SEC14L5: variants seen among roughly 807,000 people sequenced by gnomAD.
SEC14L5 encodes SEC14-like protein 5.
In SEC14L5, 96 loss-of-function variants were observed where a neutral mutation model predicts 84.6. The observed-to-expected ratio is 1.13, with a 90% confidence interval of 0.96 to 1.34. The LOEUF (loss-of-function observed/expected upper bound fraction) is 1.34. Among genes scored for constraint, SEC14L5 ranks in the 40% most tolerant of loss-of-function variants. The pLI is 0.00. For missense variants in SEC14L5, 1,224 were observed against 942.5 expected (o/e 1.30, Z -3.91); for synonymous variants, 546 against 383.4 (o/e 1.42, Z -4.95).
intron 2 of SEC14L5, among the ~76,000 whole-genome samples, chr16:4,967,414 C>G (rs1426570354): frequency 1.3e-5 from 2 of 152,202 alleles, no homozygotes; most frequent in African/African-American, 4.8e-5. Flanking sequence ...AATGAGGTCA[C>G]ATTTACAGGT....
At chr16:4,973,324 G>A (rs933399486) in intron 2 of SEC14L5, among the ~76,000 whole-genome samples, 1 of 151,054 alleles carries the variant, frequency 6.6e-6, no homozygotes. Context: ...GCTTTGCTGG[G>A]ATGAGCAGTG....
chr16:4,961,935 C>T (rs775456508), intron 2 of SEC14L5, among the ~76,000 whole-genome samples: 12 of 151,868 alleles, frequency 7.9e-5, no homozygotes, highest in South Asian at 2.1e-4. Context: ...TTATGTTTAT[C>T]GACCACTTAT....
intron 15 of SEC14L5, among the ~76,000 whole-genome samples, chr16:5,014,331 C>G (rs1159505137): frequency 6.6e-6 from 1 of 152,138 alleles, no homozygotes; most frequent in Non-Finnish European, 1.5e-5. Flanking sequence ...CGAGGATCTC[C>G]TGATCCCAGG....
intron 5 of SEC14L5, 94 bp downstream of exon 5, chr16:4,990,989 C>T: frequency 9.5e-7 from 1 of 1,052,688 alleles, no homozygotes; most frequent in Non-Finnish European, 1.3e-6. Context: ...CCTTACCCTT[C>T]CTGGGCTCAG....
intron 13 of SEC14L5, among the ~76,000 whole-genome samples, chr16:5,007,774 T>G (rs1219436553): frequency 6.7e-6 from 1 of 150,208 alleles, no homozygotes; most frequent in Non-Finnish European, 1.5e-5. Flanking sequence ...TCCAGCTAAT[T>G]TTTGTATTTT....
intron 2 of SEC14L5, among the ~76,000 whole-genome samples, chr16:4,974,680 C>T (rs934318755): frequency 6.6e-6 from 1 of 151,996 alleles, no homozygotes; most frequent in Non-Finnish European, 1.5e-5. Flanking sequence ...AAGCAGTGTA[C>T]ACTGTACCCA....
chr16:4,961,078 C>CGTGTAA (rs1955115092), intron 2 of SEC14L5, among the ~76,000 whole-genome samples: 1 of 151,992 alleles, frequency 6.6e-6, no homozygotes, highest in Non-Finnish European at 1.5e-5. Context: ...AAGACAATCC[C>CGTGTAA]GTGTAACACG....
chr16:4,962,190 A>AAAAAGT (rs1955131234), intron 2 of SEC14L5, among the ~76,000 whole-genome samples: 1 of 151,546 alleles, frequency 6.6e-6, no homozygotes, highest in Non-Finnish European at 1.5e-5. Flanking sequence ...AAAGAAAAAG[A>AAAAAGT]AAAAAAGAAA....
rs1403596070 is a variant in SEC14L5, at chr16:5,017,332, C to T, written c.*2362C>T. 6.6e-6 allele frequency: 1 copy of T among 152,364 alleles called. No individual in the cohort carries two copies. Among genetic ancestry groups the T allele is most frequent in the East Asian group, 1.9e-4 (1 of 5,202 alleles). The allele number at this position is 152,364 out of a possible 1,614,324, so 9.4% of individuals were successfully genotyped here. A position where few individuals can be genotyped will look rare whatever the true frequency, so the allele number is the denominator to read the frequency against. ...AGCAACAAAGCAAATTCCCTGGGTC[C>T]TGTACTAGGGATGGCTGAAGGTGGG... is the stretch of plus-strand genomic sequence containing the variant. On this transcript the variant is annotated 3_prime_UTR_variant, in exon 16 of 16. Transcript: ENST00000251170.
Position 5,005,826 on chromosome 16 carries a change from T to C in SEC14L5, c.1303-88T>C, listed in dbSNP as rs983079887. The C allele has an allele frequency of 5.3e-6, 7 of 1,310,448 alleles. No homozygotes were observed. In the African/African-American group the frequency reaches 1.1e-4, roughly 21 times the overall value. 81.2% of individuals were successfully genotyped at this position (1,310,448 alleles called of 1,614,324 possible). On this transcript the variant is annotated intron_variant, in intron 11 of 15. Transcript: ENST00000251170. ...TTGCAGTGAGCCAAGATCATGCCAC[T>C]GCACTCCAGCCTGGGCGACTGAGCA... is the stretch of plus-strand genomic sequence containing the variant.
At position 4,959,342 on chromosome 16, in the gene SEC14L5, T is replaced by C. The variant is rs1234235884; in HGVS notation, c.19T>C (p.Ser7Pro). ...CGTGAACATGGTGCAAAGATACCAG[T>C]CTCCTGTCCGAGTCTACAAGTACCC... MVQRYQ[S>P]PVRVYKYPFE... is the part of the protein sequence containing the mutation. The change falls in exon 2 of 16, where the codon TCT (serine) becomes CCT (proline). Residue 7 changes from serine to proline, a missense_variant. Coordinates refer to ENST00000251170, the MANE Select transcript of SEC14L5 (RefSeq NM_014692.2). 5.6e-6 allele frequency: 9 copies of C among 1,613,582 alleles called. No individual in the cohort carries two copies. Among genetic ancestry groups the C allele is most frequent in the Non-Finnish European group, 7.6e-6 (9 of 1,179,706 alleles).
intron 2 of SEC14L5, among the ~76,000 whole-genome samples, chr16:4,979,292 C>T (rs1464716014): frequency 6.6e-6 from 1 of 152,180 alleles, no homozygotes; most frequent in Non-Finnish European, 1.5e-5. Flanking sequence ...CTAGAAGCAA[C>T]ACAGTGCACC....
chr16:4,997,797 T>C (rs1466580214), intron 8 of SEC14L5, among the ~76,000 whole-genome samples: 1 of 152,082 alleles, frequency 6.6e-6, no homozygotes, highest in Non-Finnish European at 1.5e-5. Context: ...CAGCTTCTGG[T>C]GGACCCAGGT....
chr16:4,964,288 G>C (rs1004939971), intron 2 of SEC14L5, among the ~76,000 whole-genome samples: 2 of 152,080 alleles, frequency 1.3e-5, no homozygotes, highest in African/African-American at 4.8e-5. Flanking sequence ...CTTTTCTCAA[G>C]TGGGTGGTAA....
In SEC14L5 at chr16:4,996,878, T is replaced by G. The variant is rs1955616907; in HGVS notation, c.804T>G (p.Leu268=). The change falls in exon 8 of 16, where the codon CTT becomes CTG. Residue 268 remains leucine, a synonymous_variant. Transcript: ENST00000251170. ...AGATTCCCAAAGATGAGCACATCCT[T>G]CGGTTCCTGCGGGCTCATGACTTCC... ...KGKIPKDEHI[L]RFLRAHDFHL... is the part of the protein sequence containing the mutation. 1 of 1,613,174 alleles carries G rather than the reference T, an allele frequency of 6.2e-7. No homozygotes were observed. Among genetic ancestry groups the G allele is most frequent in the Non-Finnish European group, 8.5e-7 (1 of 1,179,560 alleles).
intron 15 of SEC14L5, among the ~76,000 whole-genome samples, chr16:5,011,826 G>A (rs1955808462): frequency 6.6e-6 from 1 of 152,164 alleles, no homozygotes; most frequent in Non-Finnish European, 1.5e-5. Context: ...GGATGAGATG[G>A]CTGGGGGAAG....
intron 6 of SEC14L5, among the ~76,000 whole-genome samples, chr16:4,994,402 G>A (rs559183327): frequency 2.0e-5 from 3 of 152,124 alleles, no homozygotes; most frequent in African/African-American, 7.2e-5. Flanking sequence ...GGAGTGCAGT[G>A]GTGTGATCTC....
chr16:5,000,385 G>GCC (rs1458900502), intron 8 of SEC14L5, among the ~76,000 whole-genome samples: 3 of 152,220 alleles, frequency 2.0e-5, no homozygotes, highest in Admixed American at 6.5e-5. Flanking sequence ...CAATCCTCCT[G>GCC]CCTCTGCCCC....
In SEC14L5 at chr16:4,959,366, C is replaced by T. The variant is rs771856728; in HGVS notation, c.43C>T (p.Pro15Ser). Residue 15 changes from proline (P) to serine (S), a missense_variant, in exon 2 of 16, where the codon CCG becomes TCG. Pro to Ser is a moderately conservative substitution (Grantham distance 74). Coordinates refer to ENST00000251170, the MANE Select transcript of SEC14L5 (RefSeq NM_014692.2). ...YQSPVRVYKYPFELVMAAYEK... is the reference protein window; with the variant it reads ...YQSPVRVYKYSFELVMAAYEK... ...GTCTCCTGTCCGAGTCTACAAGTAC[C>T]CGTTTGAGCTGGTCATGGCGGTGAG... 3 of 1,613,740 alleles carry T rather than the reference C, an allele frequency of 1.9e-6. No individual in the cohort carries two copies. The African/African-American group carries it at 4.0e-5, about 22-fold the overall frequency.
Sources: gnomAD v4.1 joint callset for allele counts (sites outside exome capture counted in the v4.1 genomes callset) on GRCh38, gnomAD v4.1.1 for gene constraint, MANE v1.5 for transcripts, NCBI Gene and HGNC (gene_info 2026-07-23, HGNC 2026-07-21) for gene names.